CTNNA2: variants seen among roughly 807,000 people sequenced by gnomAD.
CTNNA2 encodes catenin alpha 2, also known as catenin alpha-2.
CTNNA2 carries 42 observed loss-of-function variants against 101.0 expected under a neutral mutation model. The ratio of observed to expected loss-of-function variants is 0.42; its 90% CI spans 0.32 to 0.54. The LOEUF is 0.54. Ranked by LOEUF, CTNNA2 falls within the 20% of genes least tolerant of loss-of-function variation. The probability of loss-of-function intolerance (pLI) is 0.14; values close to 1 mark genes in which losing one functional copy is unlikely to be tolerated. For synonymous variants in CTNNA2, 450 were observed against 456.4 expected (o/e 0.99, Z 0.18); for missense variants, 871 against 1,223.1 (o/e 0.71, Z 4.29).
chr2:79,848,036 C>T (rs1339522943), intron 3 of CTNNA2, among the ~76,000 whole-genome samples: 1 of 152,006 alleles, frequency 6.6e-6, no homozygotes, highest in Non-Finnish European at 1.5e-5. Flanking sequence ...AGGTACTGAT[C>T]AATAGAAACA....
chr2:80,506,737 G>A (rs1210894442), intron 9 of CTNNA2, among the ~76,000 whole-genome samples: 1 of 152,192 alleles, frequency 6.6e-6, no homozygotes, highest in Non-Finnish European at 1.5e-5. Flanking sequence ...CTAGCAATGA[G>A]GAAGTCATAA....
intron 7 of CTNNA2, among the ~76,000 whole-genome samples, chr2:80,347,992 C>T (rs1672925472): frequency 6.6e-6 from 1 of 151,876 alleles, no homozygotes; most frequent in Non-Finnish European, 1.5e-5. Flanking sequence ...GGATTCAGTT[C>T]GATCATGATG....
chr2:79,954,997 C>T, intron 7 of CTNNA2, among the ~76,000 whole-genome samples: 1 of 152,154 alleles, frequency 6.6e-6, no homozygotes, highest in East Asian at 1.9e-4. Flanking sequence ...CCTTTTGTTC[C>T]TAGGAATGCT....
At chr2:80,023,800 A>T (rs1694741202) in intron 7 of CTNNA2, among the ~76,000 whole-genome samples, 1 of 152,194 alleles carries the variant, frequency 6.6e-6, no homozygotes, top group African/African-American at 2.4e-5. Context: ...AAGTCTATTA[A>T]GGTTTGGCCG....
At chr2:80,210,928 T>A (rs993579018) in intron 7 of CTNNA2, among the ~76,000 whole-genome samples, 1 of 152,222 alleles carries the variant, frequency 6.6e-6, no homozygotes, top group Non-Finnish European at 1.5e-5. Flanking sequence ...TGATATGGTA[T>A]CTCATTGTGG....
chr2:79,553,775 G>T (rs1292174507), intron 1 of CTNNA2, among the ~76,000 whole-genome samples: 1 of 152,136 alleles, frequency 6.6e-6, no homozygotes, highest in African/African-American at 2.4e-5. Flanking sequence ...TATCACTGAG[G>T]ATTACAATTC....
At chr2:79,326,032 CT>C (rs1676738003) in intron 3 of CTNNA2, among the ~76,000 whole-genome samples, 1 of 152,118 alleles carries the variant, frequency 6.6e-6, no homozygotes, top group Non-Finnish European at 1.5e-5. Flanking sequence ...CAGAATAAAG[CT>C]GTTGGGTTTT....
intron 7 of CTNNA2, among the ~76,000 whole-genome samples, chr2:80,145,714 C>T (rs148220863): frequency 5.3e-5 from 8 of 152,302 alleles, no homozygotes; most frequent in African/African-American, 1.9e-4. Context: ...CAAAGTCTAC[C>T]AGAGAGAACT....
intron 7 of CTNNA2, among the ~76,000 whole-genome samples, chr2:80,048,184 C>G (rs888156655): frequency 1.3e-5 from 2 of 152,036 alleles, no homozygotes; most frequent in Non-Finnish European, 2.9e-5. Context: ...ATATAAACAA[C>G]AAATGATTTT....
chr2:79,374,712 C>T (rs967215038), intron 4 of CTNNA2, among the ~76,000 whole-genome samples: 2 of 152,096 alleles, frequency 1.3e-5, no homozygotes, highest in Non-Finnish European at 2.9e-5. Context: ...CCATTTTAAA[C>T]TAAAATCCGA....
intron 1 of CTNNA2, among the ~76,000 whole-genome samples, chr2:79,544,970 C>A (rs938410744): frequency 6.6e-6 from 1 of 152,048 alleles, no homozygotes; most frequent in African/African-American, 2.4e-5. Flanking sequence ...TTTGTTATAA[C>A]CTGAGGGAGC....
intron 4 of CTNNA2, among the ~76,000 whole-genome samples, chr2:79,401,329 A>G (rs1202048781): frequency 6.6e-6 from 1 of 151,382 alleles, no homozygotes; most frequent in Non-Finnish European, 1.5e-5. Flanking sequence ...AATAAAAATA[A>G]TATAAATATA....
intron 7 of CTNNA2, among the ~76,000 whole-genome samples, chr2:79,931,448 T>G (rs1255544487): frequency 6.6e-6 from 1 of 152,152 alleles, no homozygotes; most frequent in African/African-American, 2.4e-5. Flanking sequence ...CACATATAAG[T>G]GAGGTCATGG....
chr2:79,379,293 A>G (rs1258971320), intron 4 of CTNNA2, among the ~76,000 whole-genome samples: 2 of 152,196 alleles, frequency 1.3e-5, no homozygotes, highest in Non-Finnish European at 2.9e-5. Context: ...GTAAATAATG[A>G]CATGCGTTAT....
chr2:79,351,355 C>T (rs1283482758), intron 3 of CTNNA2, among the ~76,000 whole-genome samples: 1 of 152,104 alleles, frequency 6.6e-6, no homozygotes, highest in Non-Finnish European at 1.5e-5. Flanking sequence ...GTTTCATTCT[C>T]CTGCCTGTAG....
intron 3 of CTNNA2, among the ~76,000 whole-genome samples, chr2:79,783,130 G>A (rs1674580621): frequency 6.6e-6 from 1 of 152,144 alleles, no homozygotes; most frequent in African/African-American, 2.4e-5. Flanking sequence ...CTCTGTGCAT[G>A]CTGATGGAGG....
intron 2 of CTNNA2, among the ~76,000 whole-genome samples, chr2:79,210,695 G>T (rs1232972169): frequency 6.6e-6 from 1 of 152,074 alleles, no homozygotes; most frequent in Non-Finnish European, 1.5e-5. Flanking sequence ...CTAGTTGGTT[G>T]CCAGGAGCCC....
intron 1 of CTNNA2, among the ~76,000 whole-genome samples, chr2:79,615,670 A>G (rs1290995369): frequency 6.6e-6 from 1 of 152,148 alleles, no homozygotes; most frequent in African/African-American, 2.4e-5. Context: ...TCTGGCTCTC[A>G]AACTTTGTTT....
chr2:80,341,062 A>T (rs575262290), intron 7 of CTNNA2, among the ~76,000 whole-genome samples: 1 of 152,276 alleles, frequency 6.6e-6, no homozygotes, highest in South Asian at 2.1e-4. Flanking sequence ...TGAATACAGG[A>T]TCTTCTGTCT....
Sources: gnomAD v4.1 joint callset for allele counts (sites outside exome capture counted in the v4.1 genomes callset) on GRCh38, gnomAD v4.1.1 for gene constraint, MANE v1.5 for transcripts, NCBI Gene and HGNC (gene_info 2026-07-23, HGNC 2026-07-21) for gene names.